Variants in EBF2 observed in about 807,000 individuals in gnomAD.
EBF2 encodes the protein EBF transcription factor 2, also known as transcription factor COE2.
EBF2 carries 21 observed loss-of-function variants against 72.8 expected under a neutral mutation model. The observed-to-expected ratio is 0.29, with a 90% CI of 0.20 to 0.42. The LOEUF (loss-of-function observed/expected upper bound fraction) is 0.42, where lower values mean the gene tolerates loss of function less well. Among genes scored for constraint, EBF2 ranks in the 10% least tolerant of loss-of-function variants. The pLI is 1.00. For synonymous variants in EBF2, 299 were observed against 274.2 expected (o/e 1.09, Z -0.89); for missense variants, 637 against 731.2 (o/e 0.87, Z 1.49).
rs114947120 is a variant in EBF2, at chr8:26,045,050, T to C, written c.-191A>G. ...GCTTCACTGGCGAGGTGCGGACTGA[T>C]GTAGTCAAAGTTTGGGTTCTTATCC... is the stretch of plus-strand genomic sequence containing the variant. On this transcript the variant is annotated 5_prime_UTR_variant, in exon 1 of 16. Coordinates refer to ENST00000520164, the MANE Select transcript of EBF2 (RefSeq NM_022659.4). The C allele has an allele frequency of 2.4e-3, 1,414 of 595,664 alleles. 26 individuals are homozygous for C. The African/African-American group carries it at 0.024, about 10-fold the overall frequency. 36.9% of individuals were successfully genotyped at this position (595,664 alleles called of 1,614,324 possible). A position where few individuals can be genotyped will look rare whatever the true frequency, so the allele number is the denominator to read the frequency against.
chr8:25,885,252 C>T (rs539755212), intron 10 of EBF2, among the ~76,000 whole-genome samples: 5 of 151,974 alleles, frequency 3.3e-5, no homozygotes, highest in Admixed American at 1.3e-4. Context: ...ATACTCATAA[C>T]ATACAATTTA....
intron 6 of EBF2, among the ~76,000 whole-genome samples, chr8:26,027,669 T>C (rs1363165036): frequency 6.6e-6 from 1 of 152,156 alleles, no homozygotes; most frequent in Non-Finnish European, 1.5e-5. Flanking sequence ...ACTCATATAC[T>C]CATGTCCACA....
At chr8:25,873,953 C>T (rs1266736595) in intron 10 of EBF2, among the ~76,000 whole-genome samples, 1 of 152,194 alleles carries the variant, frequency 6.6e-6, no homozygotes, top group African/African-American at 2.4e-5. Flanking sequence ...ATTTCTCAGA[C>T]TCAGCTGAAT....
At chr8:25,981,216 A>G (rs996649672) in intron 6 of EBF2, among the ~76,000 whole-genome samples, 2 of 151,832 alleles carry the variant, frequency 1.3e-5, no homozygotes, top group African/African-American at 2.4e-5. Context: ...CCCTTTACAC[A>G]TGCATTTTTT....
Position 25,861,062 on chromosome 8 carries a change from T to C in EBF2, c.1329A>G (p.Gln443=). ...GAAAGGTGGTACCTTGATTATTTCC[T>C]TGTGTTGACTCTGAGATGCTGACCC... The part of the protein sequence containing the change: ...QLGVSISEST[Q]GNNQGYIRNT... The change falls in exon 13 of 16, where the codon CAA becomes CAG. Residue 443 remains glutamine (Q), a synonymous_variant. Coordinates refer to ENST00000520164, the MANE Select transcript of EBF2 (RefSeq NM_022659.4). 6.2e-7 allele frequency: 1 copy of C among 1,614,188 alleles called. No individual in the cohort carries two copies. Among genetic ancestry groups the C allele is most frequent in the Non-Finnish European group, 8.5e-7 (1 of 1,180,032 alleles).
At chr8:25,856,214 T>C (rs1410841266) in intron 14 of EBF2, among the ~76,000 whole-genome samples, 1 of 152,216 alleles carries the variant, frequency 6.6e-6, no homozygotes, top group Non-Finnish European at 1.5e-5. Context: ...ATAAAATTGA[T>C]CATTTTTATG....
intron 12 of EBF2, 38 bp from the exon 13 acceptor site, chr8:25,861,264 C>G (rs1417252524): frequency 3.7e-6 from 6 of 1,613,822 alleles, no homozygotes; most frequent in Non-Finnish European, 8.5e-7. Flanking sequence ...TTCTATCCAG[C>G]ATAAAGTGCA....
At chr8:25,845,294 G>A (rs1585253449) in intron 15 of EBF2, among the ~76,000 whole-genome samples, 1 of 151,942 alleles carries the variant, frequency 6.6e-6, no homozygotes. Context: ...AGTGCAGTGG[G>A]GCCATCTCAG....
intron 10 of EBF2, among the ~76,000 whole-genome samples, chr8:25,866,587 TTTATA>T (rs1346669931): frequency 7.4e-6 from 1 of 135,626 alleles, no homozygotes; most frequent in African/African-American, 2.9e-5. Context: ...TATAATAATT[TTTATA>T]TAATATAATA....
intron 7 of EBF2, among the ~76,000 whole-genome samples, chr8:25,891,832 C>T (rs971404975): frequency 6.6e-6 from 1 of 152,166 alleles, no homozygotes; most frequent in Non-Finnish European, 1.5e-5. Flanking sequence ...CCTGCCTCGG[C>T]CGCCCAAAGT....
Position 26,001,227 on chromosome 8 carries a change from A to C in EBF2, c.551+31858T>G, listed in dbSNP as rs547459635. ...CAGCACTGGAAGGGGAAGGGAAGGG[A>C]CATACAGTCTGTGTCTTATAAGACC... On this transcript the variant is annotated intron_variant, in intron 6 of 15. Coordinates refer to ENST00000520164, the MANE Select transcript of EBF2 (RefSeq NM_022659.4). Among the ~76,000 whole-genome samples, 5 of 152,288 alleles carry C rather than the reference A, an allele frequency of 3.3e-5. No homozygotes were observed. The South Asian group carries it at 1.0e-3, about 32-fold the overall frequency.
intron 6 of EBF2, among the ~76,000 whole-genome samples, chr8:25,971,656 C>G (rs922844163): frequency 6.6e-6 from 1 of 151,600 alleles, no homozygotes; most frequent in African/African-American, 2.4e-5. Context: ...TTAAGGGTCA[C>G]AGGGAAGAAA....
intron 6 of EBF2, among the ~76,000 whole-genome samples, chr8:25,946,993 G>A (rs1803780398): frequency 6.6e-6 from 1 of 152,090 alleles, no homozygotes; most frequent in Admixed American, 6.5e-5. Flanking sequence ...AATACAATTT[G>A]ATTCACTTTA....
chr8:26,010,934 C>T (rs1042763946), intron 6 of EBF2, among the ~76,000 whole-genome samples: 21 of 152,004 alleles, frequency 1.4e-4, no homozygotes, highest in African/African-American at 7.3e-5. Flanking sequence ...AGTCCATAAA[C>T]ATTATTATTT....
chr8:26,003,103 A>G (rs1349970388), intron 6 of EBF2, among the ~76,000 whole-genome samples: 1 of 152,138 alleles, frequency 6.6e-6, no homozygotes, highest in Non-Finnish European at 1.5e-5. Flanking sequence ...AGAATGGGTC[A>G]CTTGTCCTCC....
At chr8:25,864,565 T>C (rs1413571654) in intron 10 of EBF2, among the ~76,000 whole-genome samples, 1 of 152,046 alleles carries the variant, frequency 6.6e-6, no homozygotes, top group Non-Finnish European at 1.5e-5. Flanking sequence ...TATATGAATG[T>C]TTATTATTTA....
intron 14 of EBF2, among the ~76,000 whole-genome samples, chr8:25,856,961 A>G (rs1802106882): frequency 6.6e-6 from 1 of 152,104 alleles, no homozygotes; most frequent in African/African-American, 2.4e-5. Context: ...CTTTTAGCTC[A>G]GTTTCTTGTT....
chr8:25,880,120 A>T (rs1432388217), intron 10 of EBF2, among the ~76,000 whole-genome samples: 1 of 152,222 alleles, frequency 6.6e-6, no homozygotes, highest in Non-Finnish European at 1.5e-5. Flanking sequence ...GTTAACAAAC[A>T]GTAGGCACAA....
rs368124147 is a variant in EBF2, at chr8:26,040,962, T to C, written c.329A>G (p.Lys110Arg). The change falls in exon 3 of 16, where the codon AAG becomes AGG. Residue 110 changes from lysine to arginine, a missense_variant. Lys to Arg is a conservative substitution (Grantham distance 26, BLOSUM62 2). Coordinates refer to ENST00000520164, the MANE Select transcript of EBF2 (RefSeq NM_022659.4). ...NEKTNNGTHYKLQLLYSNGVR... is the reference protein window; with the variant it reads ...NEKTNNGTHYRLQLLYSNGVR... ...ACCGTTGCTGTAGAGGAGCTGTAACTTGTAGTGAGTGCCGTTGTTGGTCTT... is the reference window on the plus strand; with the variant it reads ...ACCGTTGCTGTAGAGGAGCTGTAACCTGTAGTGAGTGCCGTTGTTGGTCTT... The C allele has an allele frequency of 2.3e-5, 37 of 1,614,100 alleles. No homozygotes were observed. The highest frequency in any genetic ancestry group is 2.9e-5 in the Non-Finnish European group (34 of 1,180,040).
Sources: gnomAD v4.1 joint callset for allele counts (sites outside exome capture counted in the v4.1 genomes callset) on GRCh38, gnomAD v4.1.1 for gene constraint, MANE v1.5 for transcripts, NCBI Gene and HGNC (gene_info 2026-07-23, HGNC 2026-07-21) for gene names.